DENND11: variants seen among roughly 807,000 people sequenced by gnomAD.
The protein encoded by DENND11 is DENN domain containing 11, also known as DENN domain-containing protein 11.
In DENND11, 34 loss-of-function variants were observed where a neutral mutation model predicts 49.2. The observed-to-expected ratio is 0.69, with a 90% confidence interval of 0.53 to 0.92. The LOEUF (loss-of-function observed/expected upper bound fraction) is 0.92. DENND11 is among the 40% of genes least tolerant of loss of function. The pLI, the probability that DENND11 is intolerant of heterozygous loss-of-function variation, is 0.00. For missense variants in DENND11, 475 were observed against 581.6 expected (o/e 0.82, Z 1.88); for synonymous variants, 238 against 230.3 (o/e 1.03, Z -0.30).
chr7:141,691,361 T>TGGCTTAGGAGTCAGA (rs1798324744), intron 1 of DENND11, among the ~76,000 whole-genome samples: 1 of 152,158 alleles, frequency 6.6e-6, no homozygotes, highest in South Asian at 2.1e-4. Flanking sequence ...GATCGTTACA[T>TGGCTTAGGAGTCAGA]GAAAAAGAAA....
At chr7:141,666,183 TG>T in intron 5 of DENND11, 103 bp downstream of exon 5, 1 of 1,302,096 alleles carries the variant, frequency 7.7e-7, no homozygotes, top group Non-Finnish European at 1.0e-6. Context: ...CCCCATCCCC[TG>T]GATGTGGCCC....
rs869107786 is a variant in DENND11, at chr7:141,685,012, C to CAAA, written c.527+463_527+465dup. ...CAATATAGTAAGAGCCTGTCTCTAC[C>CAAA]AAAAAAAAAAAAAAAAAATATATAT... On this transcript the variant is annotated intron_variant, in intron 3 of 8. Transcript: ENST00000536163. Among the ~76,000 whole-genome samples the CAAA allele has an allele frequency of 3.2e-3, 129 of 40,218 alleles. 4 individuals are homozygous for CAAA. Among genetic ancestry groups the CAAA allele is most frequent in the African/African-American group, 5.4e-3 (65 of 12,080 alleles). The allele number at this position is 40,218 out of a possible 152,430, so 26.4% of individuals were successfully genotyped here.
In DENND11 at chr7:141,674,082, C is replaced by T. The variant is rs1372619526; in HGVS notation, c.666G>A (p.Met222Ile). Residue 222 changes from methionine (M) to isoleucine (I), a missense_variant, in exon 4 of 9, where the codon ATG (methionine) becomes ATA (isoleucine). By Grantham distance (10) the Met-to-Ile change is conservative. Coordinates refer to ENST00000536163, the MANE Select transcript of DENND11 (RefSeq NM_001080392.2). ...VYWLPSIHRY[M>I]YPEMKITHPA... ...CTAACCTCACCTTCATCTCAGGGTA[C>T]ATGTATCGGTGGATGGAAGGCAGCC... The T allele has an allele frequency of 6.2e-7, 1 of 1,605,354 alleles. No individual in the cohort carries two copies. The highest frequency in any genetic ancestry group is 1.7e-5 in the Admixed American group (1 of 58,886).
At chr7:141,694,423 G>C (rs1309106325) in intron 1 of DENND11, among the ~76,000 whole-genome samples, 1 of 151,942 alleles carries the variant, frequency 6.6e-6, no homozygotes, top group African/African-American at 2.4e-5. Context: ...ACCATGCCGG[G>C]CTAATTTTTT....
At chr7:141,693,625 C>T (rs564130108) in intron 1 of DENND11, among the ~76,000 whole-genome samples, 4 of 152,164 alleles carry the variant, frequency 2.6e-5, no homozygotes, top group Admixed American at 6.5e-5. Flanking sequence ...ATAAATAAAA[C>T]GTGAGATATC....
intron 3 of DENND11, among the ~76,000 whole-genome samples, chr7:141,678,875 C>A (rs929060384): frequency 1.3e-5 from 2 of 152,244 alleles, no homozygotes; most frequent in Non-Finnish European, 1.5e-5. Context: ...TCGTAGGTCC[C>A]TTTATTCAAT....
chr7:141,673,991 C>T, intron 4 of DENND11, 76 bp downstream of exon 4: 4 of 1,485,442 alleles, frequency 2.7e-6, no homozygotes, highest in Non-Finnish European at 2.7e-6. Context: ...ATTTTTTATT[C>T]ATTAAAAAGT....
rs550612264 is a variant in DENND11 at position 141,683,361 on chromosome 7, C to T, written c.527+2117G>A. On this transcript the variant is annotated intron_variant, in intron 3 of 8. Coordinates refer to ENST00000536163, the MANE Select transcript of DENND11 (RefSeq NM_001080392.2). The stretch of plus-strand genomic sequence containing the variant: ...CTAATAAATATTTGGCAAGTTCAGG[C>T]CAGGCTCAGTGGCTCATGCCGGTAA... 1.4e-4 allele frequency among the ~76,000 whole-genome samples: 22 copies of T among 152,280 alleles called. 1 individual carries two copies. The South Asian group carries it at 4.4e-3, about 30-fold the overall frequency.
intron 1 of DENND11, among the ~76,000 whole-genome samples, chr7:141,689,138 T>G (rs1317441417): frequency 6.6e-6 from 1 of 152,178 alleles, no homozygotes; most frequent in Non-Finnish European, 1.5e-5. Context: ...ATAGCATAAG[T>G]ATAGAAAAGT....
In DENND11 at chr7:141,660,599, G is replaced by A. The variant is rs898019272; in HGVS notation, c.*2057C>T. 4 of 152,182 alleles carry A rather than the reference G, an allele frequency of 2.6e-5. No individual in the cohort carries two copies. The highest frequency in any genetic ancestry group is 4.8e-5 in the African/African-American group (2 of 41,434). 9.4% of individuals were successfully genotyped at this position (152,182 alleles called of 1,614,324 possible). A position where few individuals can be genotyped will look rare whatever the true frequency, so the allele number is the denominator to read the frequency against. ...AGAAATGCCTCAAACAGCTCCTTCC[G>A]GCAGATTCCCTAATTCCAGAAAAAG... On this transcript the variant is annotated 3_prime_UTR_variant, in exon 9 of 9. Transcript: ENST00000536163.
At position 141,662,868 on chromosome 7, in the gene DENND11, A is replaced by G; in HGVS notation, c.1173-17T>C. The G allele has an allele frequency of 6.6e-7, 1 of 1,516,464 alleles. No individual in the cohort carries two copies. The highest frequency in any genetic ancestry group is 8.9e-7 in the Non-Finnish European group (1 of 1,129,774). 93.9% of individuals were successfully genotyped at this position (1,516,464 alleles called of 1,614,324 possible). A position where few individuals can be genotyped will look rare whatever the true frequency, so the allele number is the denominator to read the frequency against. On this transcript the variant is annotated splice_polypyrimidine_tract_variant and intron_variant, in intron 8 of 8. Transcript: ENST00000536163. Reference sequence around the variant, plus strand: ...AGGAAAAACCTGCATTTGGAAGACAAGACACAGGAAAGGAAGCGGGGGGGA... The same window carrying G: ...AGGAAAAACCTGCATTTGGAAGACAGGACACAGGAAAGGAAGCGGGGGGGA...
At chr7:141,669,049 T>A (rs1251145629) in intron 4 of DENND11, among the ~76,000 whole-genome samples, 1 of 152,138 alleles carries the variant, frequency 6.6e-6, no homozygotes, top group East Asian at 1.9e-4. Flanking sequence ...AGGGAAGCCC[T>A]CCACTCCCGG....
At chr7:141,690,077 G>A (rs1469121430) in intron 1 of DENND11, among the ~76,000 whole-genome samples, 2 of 152,234 alleles carry the variant, frequency 1.3e-5, no homozygotes, top group African/African-American at 2.4e-5. Flanking sequence ...GTTTCCAGCT[G>A]AGATTTGGAA....
rs1797725947 is a variant in DENND11, at chr7:141,658,074, T to C, written c.*4582A>G. The C allele has an allele frequency of 6.6e-6, 1 of 152,236 alleles. No individual in the cohort carries two copies. Among genetic ancestry groups the C allele is most frequent in the Admixed American group, 6.5e-5 (1 of 15,284 alleles). The allele number at this position is 152,236 out of a possible 1,614,324, so 9.4% of individuals were successfully genotyped here. A position where few individuals can be genotyped will look rare whatever the true frequency, so the allele number is the denominator to read the frequency against. ...TTATTCACTCTCCAAATTATTTACA[T>C]AGTAAAACTTCTATGGGGTCTCAGC... On this transcript the variant is annotated 3_prime_UTR_variant, in exon 9 of 9. Transcript: ENST00000536163.
intron 1 of DENND11, among the ~76,000 whole-genome samples, chr7:141,699,544 C>CCA (rs939732831): frequency 6.6e-6 from 1 of 152,046 alleles, no homozygotes; most frequent in Non-Finnish European, 1.5e-5. Context: ...GCTTTCCCCC[C>CCA]ACAAAAAAAC....
chr7:141,666,811 G>T (rs1797903104), intron 4 of DENND11, among the ~76,000 whole-genome samples: 2 of 152,218 alleles, frequency 1.3e-5, no homozygotes, highest in Admixed American at 6.5e-5. Flanking sequence ...ACAGTCCCCA[G>T]TCAGATCCCA....
At chr7:141,679,779 T>G (rs1376332311) in intron 3 of DENND11, among the ~76,000 whole-genome samples, 1 of 143,972 alleles carries the variant, frequency 6.9e-6, no homozygotes, top group African/African-American at 2.5e-5. Flanking sequence ...AGGCTAGAAA[T>G]GGTTCACAGA....
chr7:141,672,357 C>T (rs1797996182), intron 4 of DENND11, among the ~76,000 whole-genome samples: 1 of 152,216 alleles, frequency 6.6e-6, no homozygotes, highest in East Asian at 1.9e-4. Flanking sequence ...AGGGCTGTCA[C>T]TTCCATGGTT....
At position 141,685,801 on chromosome 7, in the gene DENND11, A is replaced by G. The variant is rs186860118; in HGVS notation, c.369-165T>C. ...TGACCTCACTGATGAGCTTGAAGAG[A>G]TTACATAACTTGCCAAGGGTCACTT... On this transcript the variant is annotated intron_variant, in intron 2 of 8. Coordinates refer to ENST00000536163, the MANE Select transcript of DENND11 (RefSeq NM_001080392.2). 1.1e-3 allele frequency among the ~76,000 whole-genome samples: 172 copies of G among 152,258 alleles called. 1 individual carries two copies. Among genetic ancestry groups the G allele is most frequent in the Non-Finnish European group, 1.9e-3 (127 of 68,018 alleles).
Sources: gnomAD v4.1 joint callset for allele counts (sites outside exome capture counted in the v4.1 genomes callset) on GRCh38, gnomAD v4.1.1 for gene constraint, MANE v1.5 for transcripts, NCBI Gene and HGNC (gene_info 2026-07-23, HGNC 2026-07-21) for gene names.